The following CD8B variants were observed in gnomAD, a reference collection of about 807,000 sequenced individuals.
The protein encoded by CD8B is CD8 subunit beta, also known as T-cell surface glycoprotein CD8 beta chain.
CD8B carries 6 observed loss-of-function variants against 24.2 expected under a neutral mutation model. The observed-to-expected ratio is 0.25, with a 90% CI of 0.14 to 0.49. CD8B has a LOEUF of 0.49. CD8B is among the 20% of genes least tolerant of loss of function. CD8B has a pLI of 0.98. For missense variants in CD8B, 196 were observed against 271.3 expected (o/e 0.72, Z 1.95); for synonymous variants, 84 against 108.3 (o/e 0.78, Z 1.39).
intron 3 of CD8B, among the ~76,000 whole-genome samples, chr2:86,852,623 T>C (rs575370368): frequency 6.6e-6 from 1 of 152,158 alleles, no homozygotes; most frequent in African/African-American, 2.4e-5. Context: ...TTCATTTTAT[T>C]CTTTATTATG....
intron 5 of CD8B, among the ~76,000 whole-genome samples, chr2:86,827,855 TA>T (rs1198750687): frequency 2.6e-5 from 4 of 152,156 alleles, no homozygotes; most frequent in African/African-American, 9.7e-5. Flanking sequence ...ACTCATAGCT[TA>T]TATGCAGTGA....
intron 5 of CD8B, among the ~76,000 whole-genome samples, chr2:86,819,056 T>G (rs958300661): frequency 1.1e-4 from 16 of 152,162 alleles, no homozygotes; most frequent in African/African-American, 3.9e-4. Context: ...CAGAGCAAAG[T>G]CCCAACTCTC....
At chr2:86,859,877 C>T (rs1374430148) in intron 1 of CD8B, among the ~76,000 whole-genome samples, 2 of 152,042 alleles carry the variant, frequency 1.3e-5, no homozygotes, top group Admixed American at 6.5e-5. Flanking sequence ...GCAGCTCAGG[C>T]TCCGTGGCCC....
intron 1 of CD8B, among the ~76,000 whole-genome samples, chr2:86,860,931 G>T (rs1311112796): frequency 2.6e-5 from 4 of 152,376 alleles, no homozygotes; most frequent in Non-Finnish European, 5.9e-5. Flanking sequence ...ATGGAGCCAG[G>T]CCTCACTGCA....
chr2:86,844,808 G>T, intron 5 of CD8B, 114 bp downstream of exon 5: 1 of 1,544,860 alleles, frequency 6.5e-7, no homozygotes, highest in South Asian at 1.2e-5. Context: ...ATGCCCGGCC[G>T]AGTCTATGAT....
chr2:86,830,578 A>AATT (rs533240342), intron 5 of CD8B, among the ~76,000 whole-genome samples: 2 of 151,922 alleles, frequency 1.3e-5, no homozygotes, highest in African/African-American at 2.4e-5. Flanking sequence ...AAAAAAAAAA[A>AATT]ATTATTATTA....
At chr2:86,833,341 G>A (rs764279037), downstream of CD8B, among the ~76,000 whole-genome samples, 1 of 151,426 alleles carries the variant, frequency 6.6e-6, no homozygotes, top group South Asian at 2.1e-4. Flanking sequence ...TTACATGCCC[G>A]GCTAATTTTT....
intron 2 of CD8B, among the ~76,000 whole-genome samples, chr2:86,857,079 G>A (rs1676302341): frequency 6.6e-6 from 1 of 152,042 alleles, no homozygotes; most frequent in African/African-American, 2.4e-5. Flanking sequence ...GATTAAGTGG[G>A]TCATGGAGGC....
intron 3 of CD8B, among the ~76,000 whole-genome samples, chr2:86,852,736 G>A (rs1399260920): frequency 1.3e-5 from 2 of 152,212 alleles, no homozygotes; most frequent in Non-Finnish European, 2.9e-5. Context: ...TATGAATAAT[G>A]AAGCTATGGA....
At chr2:86,834,995 G>A (rs973416250), downstream of CD8B, among the ~76,000 whole-genome samples, 13 of 147,822 alleles carry the variant, frequency 8.8e-5, no homozygotes, top group African/African-American at 3.2e-4. Context: ...CCACCAAATC[G>A]CCTGCCACAC....
chr2:86,829,960 CT>C (rs1674844222), intron 5 of CD8B, among the ~76,000 whole-genome samples: 1 of 152,224 alleles, frequency 6.6e-6, no homozygotes. Context: ...TTGTGAACAT[CT>C]TTCCACTTAT....
chr2:86,861,370 G>A (rs185826314), intron 1 of CD8B, among the ~76,000 whole-genome samples: 1 of 152,098 alleles, frequency 6.6e-6, no homozygotes, highest in Non-Finnish European at 1.5e-5. Flanking sequence ...AACTGAGAAC[G>A]CCCGATGTTT....
intron 5 of CD8B, among the ~76,000 whole-genome samples, chr2:86,829,619 G>C (rs2104512670): frequency 6.6e-6 from 1 of 152,230 alleles, no homozygotes; most frequent in Non-Finnish European, 1.5e-5. Flanking sequence ...CTGCAACCTT[G>C]GCGTTATTAA....
chr2:86,826,439 G>C (rs1674690763), intron 5 of CD8B, among the ~76,000 whole-genome samples: 1 of 152,108 alleles, frequency 6.6e-6, no homozygotes, highest in Non-Finnish European at 1.5e-5. Flanking sequence ...ACCACCAATC[G>C]ATTCTGACAA....
downstream of CD8B, among the ~76,000 whole-genome samples, chr2:86,833,639 C>CCCTT (rs1553435044): frequency 1.4e-3 from 103 of 76,008 alleles, 1 homozygote; most frequent in East Asian, 0.01. Flanking sequence ...CTCCCTCCCT[C>CCCTT]CCTTCCTTCC....
intron 5 of CD8B, among the ~76,000 whole-genome samples, chr2:86,832,316 T>A (rs546901044): frequency 6.6e-6 from 1 of 151,804 alleles, no homozygotes; most frequent in Non-Finnish European, 1.5e-5. Flanking sequence ...TCGTCTCTAC[T>A]AAAAATACAA....
chr2:86,855,778 C>A (rs1245816991), intron 2 of CD8B, among the ~76,000 whole-genome samples: 3 of 152,312 alleles, frequency 2.0e-5, no homozygotes, highest in African/African-American at 7.2e-5. Context: ...GCAGGGACGT[C>A]TTTCAGATGG....
Position 86,839,261 on chromosome 2 carries a change from T to G in CD8B, c.*3046A>C, listed in dbSNP as rs1205652694. On this transcript the variant is annotated 3_prime_UTR_variant, in exon 6 of 6. Coordinates refer to ENST00000390655, the MANE Select transcript of CD8B (RefSeq NM_004931.5). ...TTCCTTAGCAGCCGCCTAAACCCCC[T>G]TATTAGACTGTGTCTGAATTTATCT... Among the ~76,000 whole-genome samples, 1 of 152,230 alleles carries G rather than the reference T, an allele frequency of 6.6e-6. No homozygotes were observed. Among genetic ancestry groups the G allele is most frequent in the Non-Finnish European group, 1.5e-5 (1 of 68,030 alleles).
intron 5 of CD8B, 119 bp downstream of exon 5, chr2:86,844,803 C>T (rs549150361): frequency 2.1e-5 from 33 of 1,543,262 alleles, no homozygotes; most frequent in African/African-American, 1.1e-4. Context: ...CTACTATGCC[C>T]GGCCGAGTCT....
Sources: allele counts gnomAD v4.1 joint callset (sites outside exome capture counted in the v4.1 genomes callset), GRCh38; gene constraint gnomAD v4.1.1; transcripts MANE v1.5; gene names NCBI Gene and HGNC (gene_info 2026-07-23, HGNC 2026-07-21).